CCDC14: variants seen among roughly 807,000 people sequenced by gnomAD.
CCDC14 encodes the protein coiled-coil domain containing 14.
Under a neutral mutation model 81.4 loss-of-function variants are expected in CCDC14, and 71 were observed. The observed-to-expected ratio is 0.87, with a 90% CI of 0.72 to 1.06. The LOEUF (loss-of-function observed/expected upper bound fraction) is 1.06. Ranked by LOEUF, CCDC14 falls within the 50% of genes least tolerant of loss-of-function variation. The pLI is 0.00. For missense variants in CCDC14, 1,046 were observed against 1,047.3 expected (o/e 1.00, Z 0.02); for synonymous variants, 332 against 364.8 (o/e 0.91, Z 1.03).
At chr3:123,946,720 A>C in intron 8 of CCDC14, 83 bp downstream of exon 8, 1 of 1,304,972 alleles carries the variant, frequency 7.7e-7, no homozygotes, top group Non-Finnish European at 1.1e-6. Context: ...AATACCACAA[A>C]CTCCATTTAA....
At chr3:123,951,769 C>T (rs1023077175) in intron 5 of CCDC14, among the ~76,000 whole-genome samples, 11 of 152,212 alleles carry the variant, frequency 7.2e-5, no homozygotes, top group African/African-American at 2.7e-4. Flanking sequence ...ATGCCTCAGC[C>T]AGCAGATGTC....
At chr3:123,921,556 T>TG in intron 12 of CCDC14, among the ~76,000 whole-genome samples, 1 of 151,974 alleles carries the variant, frequency 6.6e-6, no homozygotes, top group East Asian at 1.9e-4. Context: ...ACAGACTGAG[T>TG]GGGGGATTTC....
intron 12 of CCDC14, 71 bp downstream of exon 12, chr3:123,931,031 A>G: frequency 1.5e-6 from 2 of 1,331,238 alleles, no homozygotes; most frequent in Non-Finnish European, 1.0e-6. Flanking sequence ...CAGGTCTAAC[A>G]TTATTTTGAA....
At chr3:123,942,150 C>T (rs1005839308) in intron 9 of CCDC14, among the ~76,000 whole-genome samples, 7 of 151,888 alleles carry the variant, frequency 4.6e-5, no homozygotes, top group Admixed American at 1.3e-4. Context: ...TGCCTGGGTT[C>T]GAGTCTTGAC....
chr3:123,956,629 T>G, intron 2 of CCDC14, 111 bp downstream of exon 2: 1 of 849,464 alleles, frequency 1.2e-6, no homozygotes. Context: ...TCCTCAGAGC[T>G]TGTGATGGTA....
intron 5 of CCDC14, among the ~76,000 whole-genome samples, chr3:123,950,327 C>T (rs2036931001): frequency 6.6e-6 from 1 of 152,174 alleles, no homozygotes; most frequent in African/African-American, 2.4e-5. Context: ...TACTGAAAGA[C>T]ATGTGCAAGA....
At chr3:123,928,670 T>C (rs1017337032) in intron 12 of CCDC14, among the ~76,000 whole-genome samples, 1 of 152,222 alleles carries the variant, frequency 6.6e-6, no homozygotes, top group Non-Finnish European at 1.5e-5. Context: ...ACAAAATTAA[T>C]GTTTGTTGAA....
intron 9 of CCDC14, among the ~76,000 whole-genome samples, chr3:123,934,144 G>A (rs1309124921): frequency 6.6e-6 from 1 of 151,766 alleles, no homozygotes; most frequent in East Asian, 1.9e-4. Context: ...GTAGTGGCGC[G>A]TGCCTGTAAT....
At chr3:123,954,763 T>G (rs2037226678) in intron 5 of CCDC14, 1 of 152,138 alleles carries the variant, frequency 6.6e-6, no homozygotes, top group South Asian at 2.1e-4. Context: ...CAAACATACT[T>G]AAAAGTTTTA....
chr3:123,909,775 G>C (rs905608087), downstream of CCDC14, among the ~76,000 whole-genome samples: 2 of 152,204 alleles, frequency 1.3e-5, no homozygotes, highest in African/African-American at 2.4e-5. Flanking sequence ...CTAGTAGAGA[G>C]AGAATGGCAC....
chr3:123,908,630 C>A (rs567299071), downstream of CCDC14, among the ~76,000 whole-genome samples: 12 of 152,106 alleles, frequency 7.9e-5, no homozygotes, highest in Non-Finnish European at 1.5e-4. Flanking sequence ...AATTTAAATT[C>A]TCATACCCTT....
intron 5 of CCDC14, among the ~76,000 whole-genome samples, chr3:123,904,704 G>T (rs1331332020): frequency 6.6e-6 from 1 of 151,008 alleles, no homozygotes; most frequent in East Asian, 1.9e-4. Flanking sequence ...AGTTTAACAA[G>T]ATTTTTATGG....
chr3:123,946,872 T>G lies in CCDC14; in HGVS notation c.1132A>C (p.Lys378Gln). Residue 378 changes from lysine to glutamine, a missense_variant, in exon 8 of 13, where the codon AAG becomes CAG. Lys to Gln is a moderately conservative substitution (Grantham distance 53). Coordinates refer to ENST00000409697, the MANE Select transcript of CCDC14 (RefSeq NM_001366335.1). ...ATAATTCTAACTTTTTCAGCTGTCT[T>G]GTTCACATTTTTTGCCTTCTGTACA... ...KDVQKAKNVN[K>Q]TAEKVRIIKY... The G allele has an allele frequency of 1.9e-6, 3 of 1,613,988 alleles. No homozygotes were observed. The highest frequency in any genetic ancestry group is 2.5e-6 in the Non-Finnish European group (3 of 1,179,878).
chr3:123,952,596 T>C, intron 5 of CCDC14: 1 of 531,382 alleles, frequency 1.9e-6, no homozygotes, highest in South Asian at 1.4e-5. Flanking sequence ...TGTGCTTACC[T>C]GACTCCATAG....
At chr3:123,891,182 G>A in the CCDC14 span, among the ~76,000 whole-genome samples, 16,823 of 152,168 alleles carry the variant, frequency 0.11, 2,136 homozygotes, top group East Asian at 0.46. Context: ...ATGAAACCAC[G>A]TTTTCCTCCT....
At chr3:123,893,963 A>T (rs1340448343), downstream of CCDC14, among the ~76,000 whole-genome samples, 1 of 152,152 alleles carries the variant, frequency 6.6e-6, no homozygotes, top group Non-Finnish European at 1.5e-5. Context: ...TAGATATATG[A>T]TTAGCAAATA....
At position 123,933,757 on chromosome 3, in the gene CCDC14, T is replaced by C. The variant is rs1047450585; in HGVS notation, c.1344-2A>G. On this transcript the variant is annotated splice_acceptor_variant, in intron 9 of 12. Coordinates refer to ENST00000409697, the MANE Select transcript of CCDC14 (RefSeq NM_001366335.1). LOFTEE classifies it high-confidence loss of function. ...TGCTGGTTCAAAATTCTCAACTGCC[T>C]AAAGAAATAATGAAGAACTATGAAT... is the stretch of plus-strand genomic sequence containing the variant. The C allele has an allele frequency of 6.4e-7, 1 of 1,556,770 alleles. No individual in the cohort carries two copies. The highest frequency in any genetic ancestry group is 1.9e-5 in the Admixed American group (1 of 51,806).
At chr3:123,940,117 C>G (rs988013174) in intron 9 of CCDC14, among the ~76,000 whole-genome samples, 1 of 151,208 alleles carries the variant, frequency 6.6e-6, no homozygotes, top group African/African-American at 2.4e-5. Flanking sequence ...AATTTAGTAG[C>G]AATTAAAACA....
At chr3:123,907,764 G>A (rs549427293) in intron 5 of CCDC14, among the ~76,000 whole-genome samples, 28 of 150,946 alleles carry the variant, frequency 1.9e-4, no homozygotes, top group African/African-American at 6.6e-4. Context: ...ATTCTTCTTC[G>A]AGAAATTTAG....
Sources: gnomAD v4.1 joint callset for allele counts (sites outside exome capture counted in the v4.1 genomes callset) on GRCh38, gnomAD v4.1.1 for gene constraint, MANE v1.5 for transcripts, NCBI Gene and HGNC (gene_info 2026-07-23, HGNC 2026-07-21) for gene names.